The following RHNO1 variants were observed in gnomAD, a reference collection of about 807,000 sequenced individuals.
The protein encoded by RHNO1 is RAD9, HUS1, RAD1-interacting nuclear orphan protein 1.
In RHNO1, 9 loss-of-function variants were observed where a neutral mutation model predicts 7.2. That is an observed-to-expected ratio of 1.25 (90% CI 0.75 to 2.18). RHNO1 has a LOEUF of 2.18. Among genes scored for constraint, RHNO1 ranks in the 30% most tolerant of loss-of-function variants. The pLI is 0.00. For missense variants in RHNO1, 292 were observed against 284.5 expected, an observed-to-expected ratio of 1.03 and a Z score of -0.19; for synonymous variants, 95 against 107.5, an observed-to-expected ratio of 0.88 and a Z score of 0.72.
At position 2,888,790 on chromosome 12, in the gene RHNO1, A is replaced by G. The variant is rs1206713989; in HGVS notation, c.*331A>G. ...AGTCATCTGCTGGCCTTGACCTCACAAAGTGCTGGCCCAGCCGAGATTTGT... is the reference window on the plus strand; with the variant it reads ...AGTCATCTGCTGGCCTTGACCTCACGAAGTGCTGGCCCAGCCGAGATTTGT... On this transcript the variant is annotated 3_prime_UTR_variant, in exon 3 of 3. Transcript: ENST00000489288. The G allele has an allele frequency of 4.7e-6, 1 of 214,098 alleles. No homozygotes were observed. Among genetic ancestry groups the G allele is most frequent in the Non-Finnish European group, 9.3e-6 (1 of 107,326 alleles). The allele number at this position is 214,098 out of a possible 1,614,324, so 13.3% of individuals were successfully genotyped here.
At chr12:2,884,240 G>T (rs979536765) in intron 1 of RHNO1, among the ~76,000 whole-genome samples, 1 of 147,264 alleles carries the variant, frequency 6.8e-6, no homozygotes, top group East Asian at 1.9e-4. Context: ...TTTTTTGTTT[G>T]TTTGTTTGTT....
upstream of RHNO1, chr12:2,877,095 C>CGGGCCG (rs992503086): frequency 9.2e-5 from 14 of 152,144 alleles, no homozygotes; most frequent in East Asian, 1.4e-3. Flanking sequence ...GAGGGGGTCC[C>CGGGCCG]GGGCCGGGGC....
intron 1 of RHNO1, among the ~76,000 whole-genome samples, chr12:2,877,574 C>T (rs931981636): frequency 1.3e-5 from 2 of 152,206 alleles, no homozygotes; most frequent in African/African-American, 4.8e-5. Flanking sequence ...GAACGATCGT[C>T]TGCTCCCCCC....
Position 2,889,080 on chromosome 12 carries a change from C to G in RHNO1, c.*621C>G, listed in dbSNP as rs1329691340. On this transcript the variant is annotated 3_prime_UTR_variant, in exon 3 of 3. Coordinates refer to ENST00000489288, the MANE Select transcript of RHNO1 (RefSeq NM_001252499.3). ...ATCACCTCATTCAAACTAATTCATT[C>G]TGCATTTTTGAGTACCAACTCTTGT... The G allele has an allele frequency of 6.6e-6, 1 of 152,116 alleles. No homozygotes were observed. The highest frequency in any genetic ancestry group is 2.4e-5 in the African/African-American group (1 of 41,416). 9.4% of individuals were successfully genotyped at this position (152,116 alleles called of 1,614,324 possible).
At chr12:2,885,257 T>C in intron 1 of RHNO1, 26 bp from the exon 2 acceptor site, 2 of 938,584 alleles carry the variant, frequency 2.1e-6, no homozygotes, top group Non-Finnish European at 1.6e-6. Flanking sequence ...AATTATTTGC[T>C]CCCAGCTTTT....
chr12:2,887,478 CA>C (rs11310263), intron 2 of RHNO1, among the ~76,000 whole-genome samples: 39,097 of 89,140 alleles, frequency 0.44, 5,579 homozygotes, highest in East Asian at 0.59. Context: ...ACTCTGTCTC[CA>C]AAAAAAAAAA....
chr12:2,878,648 T>C (rs1231522480), intron 1 of RHNO1, among the ~76,000 whole-genome samples: 1 of 151,718 alleles, frequency 6.6e-6, no homozygotes, highest in Non-Finnish European at 1.5e-5. Context: ...GTTGCAATAC[T>C]CCAGGCAAGA....
At chr12:2,883,190 G>A (rs2098160505) in intron 1 of RHNO1, among the ~76,000 whole-genome samples, 1 of 151,256 alleles carries the variant, frequency 6.6e-6, no homozygotes, top group Non-Finnish European at 1.5e-5. Context: ...ACTAGCCTGG[G>A]CAATACAACG....
In RHNO1 at chr12:2,888,241, GA is replaced by G. The variant is rs762519459; in HGVS notation, c.501del (p.Glu168AsnfsTer13). ...IQTPESSSVKEELIPQDQKEN... is the reference protein window; with the variant it reads ...IQTPESSSVKXELIPQDQKEN... Reference sequence around the variant, plus strand: ...GACCCCAGAGTCATCGTCTGTGAAGGAAGAACTCATTCCCCAAGATCAGAAG... The same window carrying G: ...GACCCCAGAGTCATCGTCTGTGAAGGAGAACTCATTCCCCAAGATCAGAAG... On this transcript the variant is annotated frameshift_variant, in exon 3 of 3. Coordinates refer to ENST00000489288, the MANE Select transcript of RHNO1 (RefSeq NM_001252499.3). LOFTEE classifies it low-confidence loss of function (END_TRUNC). The G allele has an allele frequency of 5.0e-6, 8 of 1,613,940 alleles. No homozygotes were observed. The South Asian group carries it at 8.8e-5, about 18-fold the overall frequency.
At chr12:2,887,099 T>C (rs2098166478) in intron 2 of RHNO1, 1 of 415,238 alleles carries the variant, frequency 2.4e-6, no homozygotes, top group South Asian at 1.7e-5. Context: ...TCCCAGCACT[T>C]TGGGAGGCTG....
chr12:2,886,989 G>C (rs1335292718), intron 2 of RHNO1: 1 of 455,774 alleles, frequency 2.2e-6, no homozygotes, highest in Non-Finnish European at 4.4e-6. Flanking sequence ...CATTCTGCTA[G>C]GTGCTGGGAA....
chr12:2,881,827 C>A (rs1320897209), intron 1 of RHNO1, among the ~76,000 whole-genome samples: 4 of 151,396 alleles, frequency 2.6e-5, no homozygotes, highest in Non-Finnish European at 5.9e-5. Flanking sequence ...ATCGCTTGAA[C>A]CCAGGAGGTA....
chr12:2,887,182 A>G (rs1043737374), intron 2 of RHNO1: 3 of 268,746 alleles, frequency 1.1e-5, no homozygotes, highest in Non-Finnish European at 2.3e-5. Context: ...GACTCTATTA[A>G]AAATATAAAA....
chr12:2,881,921 GAA>G (rs1021557777), intron 1 of RHNO1, among the ~76,000 whole-genome samples: 6 of 149,678 alleles, frequency 4.0e-5, no homozygotes, highest in Non-Finnish European at 7.4e-5. Flanking sequence ...AAAAAAGAAA[GAA>G]AAAAAGAGAA....
At chr12:2,883,488 T>TATATATATATATATATATG in intron 1 of RHNO1, among the ~76,000 whole-genome samples, 1 of 28,096 alleles carries the variant, frequency 3.6e-5, no homozygotes, top group Non-Finnish European at 8.9e-5. Flanking sequence ...TATATATATA[T>TATATATATATATATATATG]ATATATATAT....
intron 1 of RHNO1, among the ~76,000 whole-genome samples, chr12:2,878,311 C>G (rs1046260500): frequency 1.3e-5 from 2 of 152,070 alleles, no homozygotes; most frequent in African/African-American, 4.8e-5. Context: ...AGATCTGATG[C>G]CTTTTACAAA....
At chr12:2,886,136 A>G (rs1202260737) in intron 2 of RHNO1, 4 of 151,904 alleles carry the variant, frequency 2.6e-5, no homozygotes, top group African/African-American at 9.7e-5. Context: ...CTCTTCCCCT[A>G]TTTTCCTCTG....
At chr12:2,886,971 G>T (rs566161225) in intron 2 of RHNO1, 3 of 455,928 alleles carry the variant, frequency 6.6e-6, no homozygotes, top group South Asian at 4.6e-5. Flanking sequence ...GGCCTTCTTT[G>T]TTCCAGGCAT....
At chr12:2,885,561 A>ATTTG (rs1565489653) in intron 2 of RHNO1, 27 bp downstream of exon 2, 3 of 398,634 alleles carry the variant, frequency 7.5e-6, no homozygotes, top group South Asian at 3.9e-5. Flanking sequence ...ACTATTTGAC[A>ATTTG]TTTTTTTTTT....
Sources: gnomAD v4.1 joint callset for allele counts (sites outside exome capture counted in the v4.1 genomes callset) on GRCh38, gnomAD v4.1.1 for gene constraint, MANE v1.5 for transcripts, NCBI Gene and HGNC (gene_info 2026-07-23, HGNC 2026-07-21) for gene names.